KPNA7: variants seen among roughly 807,000 people sequenced by gnomAD.
The protein encoded by KPNA7 is importin subunit alpha-8.
Under a neutral mutation model 53.7 loss-of-function variants are expected in KPNA7, and 54 were observed. That is an observed-to-expected ratio of 1.01 (90% confidence interval 0.81 to 1.26). The LOEUF (loss-of-function observed/expected upper bound fraction) is 1.26, where lower values mean the gene tolerates loss of function less well. Ranked by LOEUF, KPNA7 falls within the 50% of genes most tolerant of loss-of-function variation. The pLI is 0.00. For missense variants in KPNA7, 640 were observed against 644.5 expected (o/e 0.99, Z 0.07); for synonymous variants, 276 against 259.3 (o/e 1.06, Z -0.62).
At chr7:99,159,986 T>C in the KPNA7 span, among the ~76,000 whole-genome samples, 2 of 151,216 alleles carry the variant, frequency 1.3e-5, no homozygotes, top group Non-Finnish European at 2.9e-5. Context: ...TTTTCTGAAG[T>C]GTAGCTTAGT....
chr7:99,178,357 T>C (rs1584260445), intron 9 of KPNA7, among the ~76,000 whole-genome samples: 1 of 151,972 alleles, frequency 6.6e-6, no homozygotes, highest in Admixed American at 6.6e-5. Flanking sequence ...TCACTTGAGG[T>C]CAGGAGTCTG....
At chr7:99,205,708 A>G (rs13236786) in intron 2 of KPNA7, among the ~76,000 whole-genome samples, 12,945 of 152,068 alleles carry the variant, frequency 0.085, 579 homozygotes, top group South Asian at 0.15. Context: ...AAAATTAGCC[A>G]GGCGTAATTG....
At position 99,207,395 on chromosome 7, in the gene KPNA7, A is replaced by G. The variant is rs1443823624; in HGVS notation, c.66+6T>C. 1 of 1,550,886 alleles carries G rather than the reference A, an allele frequency of 6.4e-7. No individual in the cohort carries two copies. Among genetic ancestry groups the G allele is most frequent in the Non-Finnish European group, 8.7e-7 (1 of 1,146,696 alleles). On this transcript the variant is annotated splice_donor_region_variant and intron_variant, in intron 2 of 10. Transcript: ENST00000327442. ...CAATAGAAGCAGGTGGGTGCTTCAT[A>G]CTCACAGACACATCTTTGCCTCGGT...
intron 1 of KPNA7, among the ~76,000 whole-genome samples, chr7:99,217,383 GGTTT>G (rs1238834504): frequency 7.9e-5 from 12 of 152,070 alleles, no homozygotes; most frequent in Non-Finnish European, 1.3e-4. Context: ...TTCAAAGTAG[GGTTT>G]GTTTAAGCTA....
chr7:99,158,830 T>A, the KPNA7 span, among the ~76,000 whole-genome samples: 2 of 152,058 alleles, frequency 1.3e-5, no homozygotes. Flanking sequence ...TAATTTCCAA[T>A]AATCCTTTTT....
rs200524486 is a variant in KPNA7 at position 99,188,377 on chromosome 7, G to A, written c.823C>T (p.Arg275Cys). The A allele has an allele frequency of 1.9e-4, 301 of 1,551,522 alleles. 1 individual carries two copies. The highest frequency in any genetic ancestry group is 7.1e-4 in the Admixed American group (36 of 50,974). The change falls in exon 7 of 11, where the codon CGC (arginine) becomes TGC (cysteine). Residue 275 changes from arginine to cysteine, a missense_variant. Coordinates refer to ENST00000327442, the MANE Select transcript of KPNA7 (RefSeq NM_001145715.3). The part of the protein sequence containing the change: ...LSYLTDGSNK[R>C]IGQVVNTGVL... ...CCCGTGTTAACCACTTGGCCGATGC[G>A]CTTGTTGGAGCCGTCGGTGAGGTAG...
chr7:99,159,969 T>C, the KPNA7 span, among the ~76,000 whole-genome samples: 1 of 151,608 alleles, frequency 6.6e-6, no homozygotes, highest in East Asian at 1.9e-4. Flanking sequence ...TGGAGTCTGC[T>C]GCTTGCTTTT....
At chr7:99,211,193 G>A (rs1345520216), upstream of KPNA7, among the ~76,000 whole-genome samples, 2 of 152,196 alleles carry the variant, frequency 1.3e-5, no homozygotes, top group African/African-American at 2.4e-5. Flanking sequence ...GCCAAGACGG[G>A]TGGATCACCT....
the KPNA7 span, among the ~76,000 whole-genome samples, chr7:99,148,876 C>T: frequency 4.7e-5 from 7 of 150,042 alleles, no homozygotes; most frequent in Admixed American, 6.7e-5. Context: ...CATGAGCCAC[C>T]GCACTCAGCC....
At chr7:99,180,628 CCCGTCTCTCTCT>C (rs1353238250) in intron 9 of KPNA7, among the ~76,000 whole-genome samples, 1 of 73,496 alleles carries the variant, frequency 1.4e-5, no homozygotes, top group African/African-American at 5.4e-5. Flanking sequence ...TCTCTCTCTC[CCCGTCTCTCTCT>C]CCGTCTCTGT....
the KPNA7 span, among the ~76,000 whole-genome samples, chr7:99,160,488 G>T: frequency 6.6e-6 from 1 of 151,594 alleles, no homozygotes; most frequent in African/African-American, 2.4e-5. Flanking sequence ...ACAGGGTCTC[G>T]CTATGTTGCC....
the KPNA7 span, among the ~76,000 whole-genome samples, chr7:99,154,329 A>G: frequency 1.3e-5 from 2 of 151,840 alleles, no homozygotes; most frequent in Non-Finnish European, 2.9e-5. Flanking sequence ...GGGTTTCACC[A>G]TGTTGACCAG....
chr7:99,147,299 G>T, the KPNA7 span, among the ~76,000 whole-genome samples: 4 of 152,170 alleles, frequency 2.6e-5, no homozygotes, highest in Non-Finnish European at 4.4e-5. Context: ...GAGACATCTC[G>T]AGTCACAGAT....
the KPNA7 span, among the ~76,000 whole-genome samples, chr7:99,160,017 G>GTTTTTTTTTTTTTTTTTTTTT: frequency 3.0e-5 from 2 of 67,662 alleles, no homozygotes; most frequent in Non-Finnish European, 5.5e-5. Context: ...TGTTGTTTTT[G>GTTTTTTTTTTTTTTTTTTTTT]TTTTTTTTTT....
chr7:99,210,175 C>A (rs771838848), upstream of KPNA7, among the ~76,000 whole-genome samples: 1 of 152,164 alleles, frequency 6.6e-6, no homozygotes, highest in Non-Finnish European at 1.5e-5. Flanking sequence ...GTGTTCTAGA[C>A]CCCTGGGCTT....
intron 7 of KPNA7, among the ~76,000 whole-genome samples, chr7:99,187,398 G>T (rs987838564): frequency 6.7e-6 from 1 of 149,592 alleles, no homozygotes; most frequent in African/African-American, 2.5e-5. Flanking sequence ...ATAATGGGTT[G>T]TTTTTTTTTT....
intron 6 of KPNA7, among the ~76,000 whole-genome samples, chr7:99,191,002 C>T (rs1789919793): frequency 6.6e-6 from 1 of 152,002 alleles, no homozygotes; most frequent in Non-Finnish European, 1.5e-5. Context: ...GCTCCAATTT[C>T]TTTTTTTCCT....
the KPNA7 span, among the ~76,000 whole-genome samples, chr7:99,159,403 G>A: frequency 2.2e-4 from 33 of 151,766 alleles, no homozygotes; most frequent in Admixed American, 1.1e-3. Context: ...CTGCCAGGTG[G>A]GGCAGGGGGC....
At chr7:99,149,038 A>G in the KPNA7 span, among the ~76,000 whole-genome samples, 1 of 151,596 alleles carries the variant, frequency 6.6e-6, no homozygotes, top group Non-Finnish European at 1.5e-5. Context: ...TGGGATTACA[A>G]GCGTGCCACA....
Sources: gnomAD v4.1 joint callset for allele counts (sites outside exome capture counted in the v4.1 genomes callset) on GRCh38, gnomAD v4.1.1 for gene constraint, MANE v1.5 for transcripts, NCBI Gene and HGNC (gene_info 2026-07-23, HGNC 2026-07-21) for gene names.